UBE2E2: variants seen among roughly 807,000 people sequenced by gnomAD.
The protein encoded by UBE2E2 is ubiquitin-conjugating enzyme E2 E2.
In UBE2E2, 6 loss-of-function variants were observed where a neutral mutation model predicts 24.7. The ratio of observed to expected loss-of-function variants is 0.24; its 90% confidence interval spans 0.13 to 0.48. UBE2E2 has a LOEUF of 0.48. Ranked by LOEUF, UBE2E2 falls within the 20% of genes least tolerant of loss-of-function variation. UBE2E2 has a pLI of 0.99. For synonymous variants in UBE2E2, 104 were observed against 83.6 expected (o/e 1.24, Z -1.33); for missense variants, 169 against 245.0 (o/e 0.69, Z 2.07).
intron 3 of UBE2E2, among the ~76,000 whole-genome samples, chr3:23,222,588 C>T (rs982113470): frequency 1.2e-4 from 18 of 152,186 alleles, no homozygotes; most frequent in African/African-American, 3.6e-4. Flanking sequence ...CCATGTGATG[C>T]GTACCTTTCA....
intron 3 of UBE2E2, among the ~76,000 whole-genome samples, chr3:23,300,654 C>G (rs907228054): frequency 1.3e-5 from 2 of 152,226 alleles, no homozygotes; most frequent in Non-Finnish European, 2.9e-5. Context: ...GAGAGATCAG[C>G]TGTTAGTCTG....
intron 3 of UBE2E2, among the ~76,000 whole-genome samples, chr3:23,353,290 G>A (rs929328475): frequency 3.3e-5 from 5 of 151,880 alleles, no homozygotes; most frequent in African/African-American, 9.7e-5. Context: ...TACTGAATGG[G>A]CAAAAACTGG....
chr3:23,458,398 TG>T (rs528548092), intron 3 of UBE2E2, among the ~76,000 whole-genome samples: 1 of 117,886 alleles, frequency 8.5e-6, no homozygotes, highest in Admixed American at 8.7e-5. Flanking sequence ...TCGCTGGTGG[TG>T]GTGGTGGTGG....
chr3:23,417,285 C>T (rs961738691), intron 3 of UBE2E2, among the ~76,000 whole-genome samples: 4 of 152,114 alleles, frequency 2.6e-5, no homozygotes, highest in African/African-American at 9.7e-5. Context: ...TCTGTTTGTT[C>T]ATTTTCCTTC....
intron 3 of UBE2E2, among the ~76,000 whole-genome samples, chr3:23,343,963 G>T (rs148938877): frequency 1.4e-3 from 214 of 152,334 alleles, no homozygotes; most frequent in African/African-American, 4.8e-3. Flanking sequence ...GTAGTTCTCA[G>T]TTTGGACTTA....
At chr3:23,562,210 A>G (rs1695949854) in intron 5 of UBE2E2, among the ~76,000 whole-genome samples, 2 of 152,112 alleles carry the variant, frequency 1.3e-5, no homozygotes, top group South Asian at 4.2e-4. Context: ...TGGGTTTGTC[A>G]TAGATAGCTC....
chr3:23,303,609 A>G (rs551345512), intron 3 of UBE2E2, among the ~76,000 whole-genome samples: 7 of 152,336 alleles, frequency 4.6e-5, no homozygotes, highest in African/African-American at 1.7e-4. Context: ...ATAAGAATGC[A>G]TTTAAATATA....
intron 4 of UBE2E2, among the ~76,000 whole-genome samples, chr3:23,517,933 A>G (rs1216638929): frequency 1.3e-5 from 2 of 152,204 alleles, no homozygotes; most frequent in African/African-American, 4.8e-5. Flanking sequence ...TTTTAGGGAC[A>G]GGAGATTCAG....
intron 3 of UBE2E2, among the ~76,000 whole-genome samples, chr3:23,239,354 T>C (rs113447539): frequency 2.0e-5 from 3 of 152,194 alleles, no homozygotes; most frequent in African/African-American, 4.8e-5. Flanking sequence ...ACTCACAACG[T>C]TGTGCAACTG....
At chr3:23,561,384 A>C (rs534739055) in intron 5 of UBE2E2, among the ~76,000 whole-genome samples, 1 of 151,900 alleles carries the variant, frequency 6.6e-6, no homozygotes, top group African/African-American at 2.4e-5. Context: ...ATAGTTGTAG[A>C]TGTGTGGTAT....
At chr3:23,403,477 C>G (rs1404230282) in intron 3 of UBE2E2, among the ~76,000 whole-genome samples, 3 of 152,188 alleles carry the variant, frequency 2.0e-5, no homozygotes, top group Non-Finnish European at 4.4e-5. Context: ...AGCCACATAA[C>G]AGAACTCTGT....
chr3:23,546,566 C>A (rs1407075993), intron 5 of UBE2E2, among the ~76,000 whole-genome samples: 4 of 150,144 alleles, frequency 2.7e-5, no homozygotes, highest in Non-Finnish European at 5.9e-5. Context: ...CCCCACCTCC[C>A]AGGTTCAAAC....
chr3:23,572,101 G>A (rs1433665537), intron 5 of UBE2E2, among the ~76,000 whole-genome samples: 1 of 152,158 alleles, frequency 6.6e-6, no homozygotes, highest in Non-Finnish European at 1.5e-5. Flanking sequence ...GATTTAGGCA[G>A]TTTTATTTAG....
chr3:23,523,555 A>T (rs544435752), intron 4 of UBE2E2, among the ~76,000 whole-genome samples: 9 of 116,518 alleles, frequency 7.7e-5, no homozygotes, highest in Non-Finnish European at 1.3e-4. Flanking sequence ...TTTTCAGGTG[A>T]TGTTTAATTT....
In UBE2E2 at chr3:23,297,251, C is replaced by A. The variant is rs922495475; in HGVS notation, c.227+79939C>A. 2.0e-5 allele frequency among the ~76,000 whole-genome samples: 3 copies of A among 151,896 alleles called. No homozygotes were observed. In the East Asian group the frequency reaches 5.8e-4, roughly 29 times the overall value. On this transcript the variant is annotated intron_variant, in intron 3 of 5. Coordinates refer to ENST00000396703, the MANE Select transcript of UBE2E2 (RefSeq NM_152653.4). ...TAGGTTGCAAAAATTTTCTCCCATTCTGTAGGTTGCCTGTTCACTCTGATG... is the reference window on the plus strand; with the variant it reads ...TAGGTTGCAAAAATTTTCTCCCATTATGTAGGTTGCCTGTTCACTCTGATG...
At chr3:23,536,529 C>G (rs1441987148) in intron 5 of UBE2E2, among the ~76,000 whole-genome samples, 2 of 152,014 alleles carry the variant, frequency 1.3e-5, no homozygotes, top group African/African-American at 4.8e-5. Context: ...AAATTTTCCC[C>G]CAAATATGTA....
intron 3 of UBE2E2, among the ~76,000 whole-genome samples, chr3:23,223,869 T>C (rs560186892): frequency 2.0e-5 from 3 of 152,164 alleles, no homozygotes; most frequent in Admixed American, 2.0e-4. Context: ...TATATAGTTA[T>C]CCAGTTTTCC....
At chr3:23,533,735 A>G (rs572290625) in intron 5 of UBE2E2, among the ~76,000 whole-genome samples, 3 of 141,704 alleles carry the variant, frequency 2.1e-5, no homozygotes, top group Admixed American at 7.7e-5. Flanking sequence ...CGATTCTCCT[A>G]TCTTAGCCCC....
At chr3:23,491,273 C>A (rs1455835577) in intron 3 of UBE2E2, among the ~76,000 whole-genome samples, 1 of 152,168 alleles carries the variant, frequency 6.6e-6, no homozygotes, top group African/African-American at 2.4e-5. Flanking sequence ...TTTCTGAACA[C>A]CCTCTGGGGC....
Sources: allele counts gnomAD v4.1 joint callset (sites outside exome capture counted in the v4.1 genomes callset), GRCh38; gene constraint gnomAD v4.1.1; transcripts MANE v1.5; gene names NCBI Gene and HGNC (gene_info 2026-07-23, HGNC 2026-07-21).